Variants in RGS8 observed in about 807,000 individuals in gnomAD.
RGS8 encodes regulator of G protein signaling 8, also known as regulator of G-protein signaling 8.
In RGS8, 8 loss-of-function variants were observed where a neutral mutation model predicts 21.7. The observed-to-expected ratio is 0.37, with a 90% CI of 0.22 to 0.66. The LOEUF is 0.66. Among genes scored for constraint, RGS8 ranks in the 30% least tolerant of loss-of-function variants. The pLI, the probability that RGS8 is intolerant of heterozygous loss-of-function variation, is 0.59. For synonymous variants in RGS8, 80 were observed against 83.6 expected (o/e 0.96, Z 0.24); for missense variants, 157 against 217.9 (o/e 0.72, Z 1.76).
the RGS8 span, among the ~76,000 whole-genome samples, chr1:182,702,360 C>G: frequency 2.0e-5 from 3 of 152,024 alleles, no homozygotes; most frequent in African/African-American, 7.3e-5. Context: ...ATAAAGATGG[C>G]AACAATCGAA....
chr1:182,720,623 C>T, the RGS8 span, among the ~76,000 whole-genome samples: 18 of 152,128 alleles, frequency 1.2e-4, 1 homozygote, highest in South Asian at 6.2e-4. Context: ...TGCACTACCA[C>T]TGTTCACTGC....
At chr1:182,651,395 A>G (rs142592046) in intron 5 of RGS8, among the ~76,000 whole-genome samples, 22 of 152,360 alleles carry the variant, frequency 1.4e-4, no homozygotes, top group African/African-American at 5.0e-4. Flanking sequence ...TTAGTAAATT[A>G]CATGAGCTAT....
the RGS8 span, among the ~76,000 whole-genome samples, chr1:182,709,197 G>A: frequency 6.6e-6 from 1 of 152,078 alleles, no homozygotes; most frequent in South Asian, 2.1e-4. Context: ...GGTCCTTAGT[G>A]GGAAAACACT....
the RGS8 span, among the ~76,000 whole-genome samples, chr1:182,700,553 G>A: frequency 3.3e-5 from 5 of 152,162 alleles, no homozygotes; most frequent in African/African-American, 1.2e-4. Flanking sequence ...TGCCTCTGGC[G>A]GCAGAAGACA....
the RGS8 span, among the ~76,000 whole-genome samples, chr1:182,705,547 A>G: frequency 6.6e-6 from 1 of 151,198 alleles, no homozygotes; most frequent in Non-Finnish European, 1.5e-5. Flanking sequence ...TTTTATAGCT[A>G]CTTTATCTAG....
the RGS8 span, among the ~76,000 whole-genome samples, chr1:182,718,272 A>G: frequency 6.6e-6 from 1 of 152,242 alleles, no homozygotes; most frequent in Non-Finnish European, 1.5e-5. Flanking sequence ...ACAGACTTAC[A>G]TCTGAGTCCT....
chr1:182,662,272 T>C (rs1490914765), intron 5 of RGS8, among the ~76,000 whole-genome samples: 10 of 152,160 alleles, frequency 6.6e-5, no homozygotes, highest in Admixed American at 6.5e-4. Flanking sequence ...GCTGGAGCCA[T>C]TTCAGCTCTG....
the RGS8 span, among the ~76,000 whole-genome samples, chr1:182,743,070 A>C: frequency 6.6e-6 from 1 of 152,204 alleles, no homozygotes; most frequent in South Asian, 2.1e-4. Flanking sequence ...GTGTCAATCT[A>C]CTGGGAAGAT....
chr1:182,683,028 A>C (rs111716495), intron 1 of RGS8, among the ~76,000 whole-genome samples: 2 of 152,312 alleles, frequency 1.3e-5, no homozygotes, highest in Non-Finnish European at 1.5e-5. Context: ...GTTAGACACT[A>C]TGTGGAAAAA....
At chr1:182,646,986 C>T in intron 6 of RGS8, 69 bp from the exon 8 acceptor site, 2 of 1,310,388 alleles carry the variant, frequency 1.5e-6, no homozygotes, top group Non-Finnish European at 2.1e-6. Flanking sequence ...CTGGCCCTAA[C>T]TATGCAATAA....
In RGS8 at chr1:182,657,378, G is replaced by A. The variant is rs939137697; in HGVS notation, c.193+8591C>T. ...GGACCCTCCTGCTTGTCCATGAACT[G>A]TAGTTGGTTCCAAATACAGGATGCT... is the stretch of plus-strand genomic sequence containing the variant. On this transcript the variant is annotated intron_variant, in intron 5 of 6. Coordinates refer to ENST00000483095, the Ensembl canonical transcript of RGS8. Among the ~76,000 whole-genome samples the A allele has an allele frequency of 2.6e-5, 4 of 152,128 alleles. No individual in the cohort carries two copies. The East Asian group carries it at 5.8e-4, about 22-fold the overall frequency.
chr1:182,738,728 G>A, the RGS8 span, among the ~76,000 whole-genome samples: 1 of 152,188 alleles, frequency 6.6e-6, no homozygotes, highest in African/African-American at 2.4e-5. Flanking sequence ...TTGACAGAGA[G>A]AGGGGATACA....
chr1:182,679,772 TC>T (rs1664481758), intron 1 of RGS8, among the ~76,000 whole-genome samples: 2 of 151,936 alleles, frequency 1.3e-5, no homozygotes, highest in African/African-American at 4.8e-5. Flanking sequence ...CATATTCCCA[TC>T]TTTTCTTGGC....
At chr1:182,741,132 C>G in the RGS8 span, among the ~76,000 whole-genome samples, 1 of 151,000 alleles carries the variant, frequency 6.6e-6, no homozygotes, top group African/African-American at 2.4e-5. Flanking sequence ...TAGGCGCGGC[C>G]GGGCAGAGGC....
At chr1:182,665,425 GTT>G (rs1466725678) in intron 5 of RGS8, among the ~76,000 whole-genome samples, 1 of 152,242 alleles carries the variant, frequency 6.6e-6, no homozygotes, top group Non-Finnish European at 1.5e-5. Context: ...GATAGCAGAA[GTT>G]GTATTCCAGT....
At chr1:182,701,523 T>C in the RGS8 span, among the ~76,000 whole-genome samples, 2 of 152,206 alleles carry the variant, frequency 1.3e-5, no homozygotes, top group South Asian at 4.1e-4. Flanking sequence ...CAACTTTTTG[T>C]CCCTTAAGGA....
At chr1:182,668,949 T>A (rs1225292627) in intron 3 of RGS8, among the ~76,000 whole-genome samples, 2 of 152,150 alleles carry the variant, frequency 1.3e-5, no homozygotes, top group East Asian at 3.9e-4. Context: ...TGCCTCAGGA[T>A]CATCAATCAT....
At chr1:182,729,379 G>A in the RGS8 span, among the ~76,000 whole-genome samples, 2 of 152,178 alleles carry the variant, frequency 1.3e-5, no homozygotes. Context: ...CACTAGTGAT[G>A]TTAACACTGA....
chr1:182,684,095 G>A lies in RGS8; in HGVS notation n.221+261C>T, dbSNP rs1664628481. Among the ~76,000 whole-genome samples, 1 of 152,226 alleles carries A rather than the reference G, an allele frequency of 6.6e-6. No individual in the cohort carries two copies. The highest frequency in any genetic ancestry group is 2.4e-5 in the African/African-American group (1 of 41,456). On this transcript the variant is annotated intron_variant and non_coding_transcript_variant, in intron 1 of 4. Coordinates refer to the RGS8 transcript ENST00000515211. The surrounding 1 kb of genome is among the most constrained non-coding windows in gnomAD (Gnocchi z 4.2). ...CTGAGGAGTTAGGGTTGAGGAAGGA[G>A]GATGGAGAACACAAAGGACATTTGA...
Sources: gnomAD v4.1 joint callset for allele counts (sites outside exome capture counted in the v4.1 genomes callset) on GRCh38, gnomAD v4.1.1 for gene constraint, Gnocchi (gnomAD v3.1) non-coding constraint, MANE v1.5 for transcripts, NCBI Gene and HGNC (gene_info 2026-07-23, HGNC 2026-07-21) for gene names.